Variants in SYNCRIP observed in about 807,000 individuals in gnomAD.
SYNCRIP encodes the protein heterogeneous nuclear ribonucleoprotein Q.
Under a neutral mutation model 68.9 loss-of-function variants are expected in SYNCRIP, and 9 were observed. The ratio of observed to expected loss-of-function variants is 0.13; its 90% CI spans 0.08 to 0.23. SYNCRIP has a LOEUF of 0.23. Among genes scored for constraint, SYNCRIP ranks in the 10% least tolerant of loss-of-function variants. The pLI is 1.00. For missense variants in SYNCRIP, 414 were observed against 770.6 expected, an observed-to-expected ratio of 0.54 and a Z score of 5.48; for synonymous variants, 258 against 254.0, an observed-to-expected ratio of 1.02 and a Z score of -0.15.
At chr6:85,626,516 T>C (rs1388159897) in intron 6 of SYNCRIP, among the ~76,000 whole-genome samples, 1 of 152,140 alleles carries the variant, frequency 6.6e-6, no homozygotes, top group African/African-American at 2.4e-5. Flanking sequence ...CTATTAACTA[T>C]AAGAAAATAC....
At chr6:85,631,469 A>G (rs1807780889) in intron 6 of SYNCRIP, among the ~76,000 whole-genome samples, 1 of 152,150 alleles carries the variant, frequency 6.6e-6, no homozygotes, top group South Asian at 2.1e-4. Flanking sequence ...GTCATTTTTC[A>G]GCACAGGAAT....
rs1809118293 is a variant in SYNCRIP, at chr6:85,641,364, T to C, written c.76A>G (p.Asn26Asp). ...DTTSAVIHSE[N>D]FQTLLDAGLP... ...CCAGCATCAAGCAATGTCTGAAAAT[T>C]TTCTGAATGGATAACTGCAGAAGTA... Residue 26 changes from asparagine to aspartate, a missense_variant, in exon 2 of 11, where the codon AAT (asparagine) becomes GAT (aspartate). Asn to Asp is a conservative substitution (Grantham distance 23). Transcript: ENST00000369622. 1.2e-6 allele frequency: 2 copies of C among 1,612,934 alleles called. No homozygotes were observed. Among genetic ancestry groups the C allele is most frequent in the South Asian group, 1.1e-5 (1 of 91,048 alleles).
intron 6 of SYNCRIP, among the ~76,000 whole-genome samples, chr6:85,635,564 G>T (rs547851715): frequency 6.6e-6 from 1 of 151,998 alleles, no homozygotes; most frequent in East Asian, 1.9e-4. Flanking sequence ...GAGGTCAAGA[G>T]TTCATGACCA....
At chr6:85,617,488 G>C (rs558202464) in intron 10 of SYNCRIP, among the ~76,000 whole-genome samples, 2 of 152,308 alleles carry the variant, frequency 1.3e-5, no homozygotes, top group South Asian at 2.1e-4. Context: ...GAAATATAGA[G>C]CATTAAAACT....
At chr6:85,611,973 T>C (rs1269748381), downstream of SYNCRIP, 3 of 152,312 alleles carry the variant, frequency 2.0e-5, no homozygotes, top group Admixed American at 6.5e-5. Context: ...TGCACTTTTT[T>C]GAACATCTGA....
intron 10 of SYNCRIP, among the ~76,000 whole-genome samples, chr6:85,618,056 C>T (rs994415611): frequency 1.3e-5 from 2 of 152,128 alleles, no homozygotes; most frequent in Non-Finnish European, 2.9e-5. Flanking sequence ...CAAAATCCAT[C>T]CATCGAACAT....
chr6:85,636,302 T>C (rs1808443951), intron 6 of SYNCRIP, among the ~76,000 whole-genome samples: 1 of 151,778 alleles, frequency 6.6e-6, no homozygotes, highest in Admixed American at 6.6e-5. Flanking sequence ...AAAATTAGCC[T>C]GAGCGTGGTG....
At chr6:85,632,241 A>C (rs968524117) in intron 6 of SYNCRIP, among the ~76,000 whole-genome samples, 6 of 152,178 alleles carry the variant, frequency 3.9e-5, no homozygotes, top group Non-Finnish European at 7.4e-5. Context: ...ATTTCAACCT[A>C]AGGTATTCCT....
At chr6:85,618,178 G>T (rs978883465) in intron 10 of SYNCRIP, among the ~76,000 whole-genome samples, 1 of 152,116 alleles carries the variant, frequency 6.6e-6, no homozygotes, top group Non-Finnish European at 1.5e-5. Context: ...TTAACAAAAT[G>T]TATTAAGATA....
At position 85,623,562 on chromosome 6, in the gene SYNCRIP, C is replaced by CCAAAAA. The variant is rs572909849; in HGVS notation, c.802+414_802+415insTTTTTG. ...CTGGGCAACAAAGCAAGACTGTCTC[C>CCAAAAA]AAAAAAAAAAAAAAAAAAAAACACT... On this transcript the variant is annotated intron_variant, in intron 7 of 10. Coordinates refer to ENST00000369622, the MANE Select transcript of SYNCRIP (RefSeq NM_006372.5). Among the ~76,000 whole-genome samples, 38 of 63,252 alleles carry CCAAAAA rather than the reference C, an allele frequency of 6.0e-4. 4 individuals carry two copies. The highest frequency in any genetic ancestry group is 1.8e-3 in the African/African-American group (26 of 14,718). 41.5% of individuals were successfully genotyped at this position (63,252 alleles called of 152,430 possible).
At chr6:85,632,872 G>A (rs1807966748) in intron 6 of SYNCRIP, among the ~76,000 whole-genome samples, 1 of 152,168 alleles carries the variant, frequency 6.6e-6, no homozygotes, top group Non-Finnish European at 1.5e-5. Context: ...GGGAGTTCAA[G>A]GTTAGTGAGC....
intron 6 of SYNCRIP, among the ~76,000 whole-genome samples, chr6:85,636,273 C>T (rs1808440201): frequency 6.6e-6 from 1 of 151,986 alleles, no homozygotes; most frequent in Non-Finnish European, 1.5e-5. Context: ...GGCGAAACCC[C>T]ATCTCTACTA....
chr6:85,620,438 T>C (rs890548534), intron 8 of SYNCRIP, among the ~76,000 whole-genome samples: 1 of 152,180 alleles, frequency 6.6e-6, no homozygotes, highest in Admixed American at 6.5e-5. Context: ...TTACATAATG[T>C]ATGGTTCCAA....
chr6:85,638,023 A>AC (rs1808662047), intron 4 of SYNCRIP, among the ~76,000 whole-genome samples: 1 of 152,222 alleles, frequency 6.6e-6, no homozygotes, highest in Non-Finnish European at 1.5e-5. Context: ...TAAAATTTAC[A>AC]CAACTCATAT....
At chr6:85,609,656 T>C (rs1344723683), downstream of SYNCRIP, 1 of 151,934 alleles carries the variant, frequency 6.6e-6, no homozygotes, top group Non-Finnish European at 1.5e-5. Context: ...CTAACAAAAT[T>C]TTCTCACAAA....
intron 6 of SYNCRIP, among the ~76,000 whole-genome samples, chr6:85,629,555 G>A (rs911496041): frequency 6.6e-6 from 1 of 150,802 alleles, no homozygotes; most frequent in Non-Finnish European, 1.5e-5. Flanking sequence ...CGGGTGCGGT[G>A]GCTCATGCCT....
At chr6:85,615,503 T>C (rs549772842) in intron 10 of SYNCRIP, among the ~76,000 whole-genome samples, 156 bp from the exon 11 acceptor site, 3 of 152,358 alleles carry the variant, frequency 2.0e-5, no homozygotes, top group Non-Finnish European at 2.9e-5. Flanking sequence ...GTTTTAGTAG[T>C]AGTAATGATC....
intron 6 of SYNCRIP, among the ~76,000 whole-genome samples, chr6:85,631,339 C>CAAAAAAAAAAAAAAAAAAAAAAAAA (rs71003000): frequency 2.2e-5 from 2 of 91,804 alleles, no homozygotes; most frequent in African/African-American, 9.9e-5. Flanking sequence ...ACTGTGTCTC[C>CAAAAAAAAAAAAAAAAAAAAAAAAA]AAAAAAAAAA....
chr6:85,640,678 T>C (rs1003490257), intron 2 of SYNCRIP, 114 bp from the exon 3 acceptor site: 3 of 549,422 alleles, frequency 5.5e-6, no homozygotes, highest in African/African-American at 4.2e-5. Flanking sequence ...ACTCCCCTCA[T>C]CTATACCTGA....
Sources: allele counts gnomAD v4.1 joint callset (sites outside exome capture counted in the v4.1 genomes callset), GRCh38; gene constraint gnomAD v4.1.1; transcripts MANE v1.5; gene names NCBI Gene and HGNC (gene_info 2026-07-23, HGNC 2026-07-21).